SNX1: variants seen among roughly 807,000 people sequenced by gnomAD.
SNX1 encodes the protein sorting nexin-1.
Under a neutral mutation model 71.8 loss-of-function variants are expected in SNX1, and 36 were observed. That is an observed-to-expected ratio of 0.50 (90% CI 0.38 to 0.66). SNX1 has a LOEUF of 0.66. Ranked by LOEUF, SNX1 falls within the 30% of genes least tolerant of loss-of-function variation. The pLI is 0.00. For synonymous variants in SNX1, 254 were observed against 240.7 expected (o/e 1.06, Z -0.51); for missense variants, 612 against 646.7 (o/e 0.95, Z 0.58).
chr15:64,100,135 G>A (rs1272997599), intron 1 of SNX1, among the ~76,000 whole-genome samples: 1 of 152,166 alleles, frequency 6.6e-6, no homozygotes, highest in Admixed American at 6.5e-5. Flanking sequence ...CTAATTTATG[G>A]TATGCCCGTA....
intron 1 of SNX1, among the ~76,000 whole-genome samples, chr15:64,097,852 T>C (rs552187192): frequency 5.3e-5 from 8 of 152,336 alleles, no homozygotes; most frequent in Middle Eastern, 6.8e-3. Context: ...CAACATGTGG[T>C]CTGAAAAAGT....
At chr15:64,130,050 T>TA (rs762552041) in intron 9 of SNX1, 21 bp downstream of exon 9, 581 of 1,559,486 alleles carry the variant, frequency 3.7e-4, no homozygotes, top group Non-Finnish European at 4.9e-4. Flanking sequence ...CTGTGCCTCT[T>TA]ACCTCCACCT....
At chr15:64,126,272 C>T (rs780397106) in intron 6 of SNX1, 52 bp downstream of exon 6, 2 of 1,582,166 alleles carry the variant, frequency 1.3e-6, no homozygotes, top group Non-Finnish European at 1.7e-6. Context: ...TGCATTCTCT[C>T]CAAAATTCAC....
chr15:64,100,175 G>A (rs2080944045), intron 1 of SNX1, among the ~76,000 whole-genome samples: 1 of 152,330 alleles, frequency 6.6e-6, no homozygotes, highest in South Asian at 2.1e-4. Flanking sequence ...AACTGCTGCT[G>A]TTAATCATCC....
At position 64,096,036 on chromosome 15, in the gene SNX1, G is replaced by A. The variant is rs935644420; in HGVS notation, c.23G>A (p.Cys8Tyr). 1 of 1,594,706 alleles carries A rather than the reference G, an allele frequency of 6.3e-7. No homozygotes were observed. Among genetic ancestry groups the A allele is most frequent in the East Asian group, 2.3e-5 (1 of 44,178 alleles). Residue 8 changes from cysteine to tyrosine, a missense_variant, in exon 1 of 15, where the codon TGT becomes TAT. Physicochemically the swap from Cys to Tyr is radical, Grantham distance 194. Transcript: ENST00000559844. MASGGGG[C>Y]SASERLPPPF... ...AAGATGGCGTCGGGTGGTGGTGGCT[G>A]TAGCGCTTCGGAGAGACTGCCTCCG...
At chr15:64,100,858 G>A (rs1009692469) in intron 1 of SNX1, among the ~76,000 whole-genome samples, 4 of 152,080 alleles carry the variant, frequency 2.6e-5, no homozygotes, top group African/African-American at 9.7e-5. Context: ...CAGGCTAGAG[G>A]GCAGTGGCAC....
At chr15:64,118,704 A>G in intron 3 of SNX1, 84 bp from the exon 4 acceptor site, 1 of 957,478 alleles carries the variant, frequency 1.0e-6, no homozygotes, top group Non-Finnish European at 1.6e-6. Flanking sequence ...TGATTTTATT[A>G]GATTGGTATA....
chr15:64,136,297 T>C (rs2081358719), intron 12 of SNX1, 33 bp from the exon 13 acceptor site: 4 of 1,537,910 alleles, frequency 2.6e-6, no homozygotes, highest in Non-Finnish European at 2.7e-6. Flanking sequence ...TGCCATAATA[T>C]GAGGTGATCC....
At position 64,142,439 on chromosome 15, in the gene SNX1, A is replaced by G. The variant is rs977717397; in HGVS notation, c.*4821A>G. On this transcript the variant is annotated 3_prime_UTR_variant, in exon 15 of 15. Coordinates refer to ENST00000559844, the MANE Select transcript of SNX1 (RefSeq NM_003099.5). Reference sequence around the variant, plus strand: ...AGGTGGGACAAACTTAAGCATGTTAATAAAATTCAGAGAAGAGAAAGAGAA... The same window carrying G: ...AGGTGGGACAAACTTAAGCATGTTAGTAAAATTCAGAGAAGAGAAAGAGAA... The G allele has an allele frequency of 3.2e-6, 1 of 313,740 alleles. No individual in the cohort carries two copies. The highest frequency in any genetic ancestry group is 2.2e-5 in the African/African-American group (1 of 45,630). The allele number at this position is 313,740 out of a possible 1,614,324, so 19.4% of individuals were successfully genotyped here. A position where few individuals can be genotyped will look rare whatever the true frequency, so the allele number is the denominator to read the frequency against.
chr15:64,126,977 T>C (rs2081260515), intron 6 of SNX1, among the ~76,000 whole-genome samples, 197 bp from the exon 7 acceptor site: 1 of 152,144 alleles, frequency 6.6e-6, no homozygotes, highest in African/African-American at 2.4e-5. Flanking sequence ...GTTTAGAACC[T>C]TCAGCACTTA....
chr15:64,131,921 T>C (rs533929949), intron 11 of SNX1, 29 bp downstream of exon 11: 98 of 1,605,982 alleles, frequency 6.1e-5, no homozygotes, highest in Non-Finnish European at 7.8e-5. Flanking sequence ...TTCTCCTCCT[T>C]CCCTTGATTT....
At chr15:64,118,015 T>G in intron 2 of SNX1, 102 bp from the exon 3 acceptor site, 9 of 1,103,748 alleles carry the variant, frequency 8.2e-6, no homozygotes, top group South Asian at 1.4e-5. Flanking sequence ...CTCTATGTAT[T>G]GAGAGTGCTT....
Position 64,143,003 on chromosome 15 carries a change from G to T in SNX1, c.*5385G>T, listed in dbSNP as rs1770246262. The T allele has an allele frequency of 4.8e-6, 1 of 207,896 alleles. No individual in the cohort carries two copies. Among genetic ancestry groups the T allele is most frequent in the Admixed American group, 5.7e-5 (1 of 17,666 alleles). 12.9% of individuals were successfully genotyped at this position (207,896 alleles called of 1,614,324 possible). On this transcript the variant is annotated 3_prime_UTR_variant, in exon 15 of 15. Coordinates refer to ENST00000559844, the MANE Select transcript of SNX1 (RefSeq NM_003099.5). ...GCTGGAGAGTGTGTGGTGATGGAGG[G>T]CGTGTCTTTTGCCGAGCACACTCAG...
chr15:64,136,484 C>G, intron 13 of SNX1, 74 bp downstream of exon 13: 1 of 1,306,586 alleles, frequency 7.7e-7, no homozygotes, highest in Non-Finnish European at 1.1e-6. Flanking sequence ...TTGTCCAACT[C>G]TGTTGGGTAA....
chr15:64,144,123 A>G lies in SNX1; in HGVS notation c.*6505A>G, dbSNP rs1217746840. The G allele has an allele frequency of 6.6e-6, 1 of 152,194 alleles. No homozygotes were observed. The highest frequency in any genetic ancestry group is 1.5e-5 in the Non-Finnish European group (1 of 68,028). The allele number at this position is 152,194 out of a possible 1,614,324, so 9.4% of individuals were successfully genotyped here. A position where few individuals can be genotyped will look rare whatever the true frequency, so the allele number is the denominator to read the frequency against. On this transcript the variant is annotated 3_prime_UTR_variant, in exon 15 of 15. Coordinates refer to ENST00000559844, the MANE Select transcript of SNX1 (RefSeq NM_003099.5). The surrounding 1 kb of genome is among the most constrained non-coding windows in gnomAD (Gnocchi z 4.3). Reference sequence around the variant, plus strand: ...TAACTATGGTCACCTCTAGAGATGGAAGTTTGCATTACCTTTAATTTTTAA... The same window carrying G: ...TAACTATGGTCACCTCTAGAGATGGGAGTTTGCATTACCTTTAATTTTTAA...
intron 4 of SNX1, among the ~76,000 whole-genome samples, chr15:64,120,706 C>T (rs184684193): frequency 2.0e-5 from 3 of 152,020 alleles, no homozygotes; most frequent in African/African-American, 7.2e-5. Flanking sequence ...AGAGGCATGG[C>T]GGTACATGCC....
intron 1 of SNX1, among the ~76,000 whole-genome samples, chr15:64,110,729 G>A (rs912374556): frequency 2.6e-5 from 4 of 152,214 alleles, no homozygotes; most frequent in Admixed American, 1.3e-4. Flanking sequence ...AAAAAGTTAG[G>A]TGGAGGAAGA....
intron 1 of SNX1, among the ~76,000 whole-genome samples, chr15:64,107,655 G>A (rs1347975863): frequency 6.6e-6 from 1 of 152,050 alleles, no homozygotes; most frequent in Non-Finnish European, 1.5e-5. Flanking sequence ...CTCTTAAACA[G>A]GCTGATCAGT....
At chr15:64,110,682 G>A (rs1395857825) in intron 1 of SNX1, among the ~76,000 whole-genome samples, 1 of 152,206 alleles carries the variant, frequency 6.6e-6, no homozygotes, top group Non-Finnish European at 1.5e-5. Flanking sequence ...GATTATAGGT[G>A]TGAGCCACCA....
Sources: gnomAD v4.1 joint callset for allele counts (sites outside exome capture counted in the v4.1 genomes callset) on GRCh38, gnomAD v4.1.1 for gene constraint, Gnocchi (gnomAD v3.1) non-coding constraint, MANE v1.5 for transcripts, NCBI Gene and HGNC (gene_info 2026-07-23, HGNC 2026-07-21) for gene names.